Variants in ANKRD28 observed in about 807,000 individuals in gnomAD.
The protein encoded by ANKRD28 is ankyrin repeat domain 28.
A neutral mutation model predicts 126.5 loss-of-function variants in ANKRD28; 44 were observed. The ratio of observed to expected loss-of-function variants is 0.35; its 90% CI spans 0.27 to 0.45. The LOEUF (loss-of-function observed/expected upper bound fraction) is 0.45. Among genes scored for constraint, ANKRD28 ranks in the 20% least tolerant of loss-of-function variants. The pLI, the probability that ANKRD28 is intolerant of heterozygous loss-of-function variation, is 1.00. For missense variants in ANKRD28, 1,110 were observed against 1,316.6 expected (o/e 0.84, Z 2.43); for synonymous variants, 442 against 468.5 (o/e 0.94, Z 0.73).
chr3:15,696,857 A>G (rs558747668), intron 14 of ANKRD28, among the ~76,000 whole-genome samples: 1 of 152,288 alleles, frequency 6.6e-6, no homozygotes, highest in East Asian at 1.9e-4. Flanking sequence ...TATATGTAAA[A>G]CCACTATGGA....
At chr3:15,859,284 C>T (rs1575840091) in intron 1 of ANKRD28, 7 of 1,487,652 alleles carry the variant, frequency 4.7e-6, no homozygotes, top group African/African-American at 1.5e-5. Flanking sequence ...AACCACCCCG[C>T]CGAGCGGGCG....
intron 2 of ANKRD28, among the ~76,000 whole-genome samples, chr3:15,788,926 G>A (rs1416605831): frequency 6.6e-6 from 1 of 151,996 alleles, no homozygotes; most frequent in African/African-American, 2.4e-5. Flanking sequence ...AGAAGAGTGA[G>A]GGCTGAAGTT....
chr3:15,812,459 G>A lies in ANKRD28; in HGVS notation c.28-17153C>T, dbSNP rs1028062551. 4.6e-5 allele frequency among the ~76,000 whole-genome samples: 7 copies of A among 152,180 alleles called. No homozygotes were observed. Among genetic ancestry groups the A allele is most frequent in the African/African-American group, 1.7e-4 (7 of 41,452 alleles). On this transcript the variant is annotated intron_variant, in intron 1 of 27. Transcript: ENST00000399451. The surrounding 1 kb of genome is among the most constrained non-coding windows in gnomAD (Gnocchi z 4.1). Reference sequence around the variant, plus strand: ...AAAAGCAAAATTAGCTAAATGATTTGTGACTCTGCCTTTTCTCCAACACAC... The same window carrying A: ...AAAAGCAAAATTAGCTAAATGATTTATGACTCTGCCTTTTCTCCAACACAC...
intron 27 of ANKRD28, among the ~76,000 whole-genome samples, chr3:15,671,344 T>C (rs2066325999): frequency 1.3e-5 from 2 of 152,142 alleles, no homozygotes; most frequent in Non-Finnish European, 2.9e-5. Flanking sequence ...GAAGTGATAA[T>C]AGTGTGATGC....
At chr3:15,849,970 G>T (rs189891416) in intron 1 of ANKRD28, among the ~76,000 whole-genome samples, 1 of 151,554 alleles carries the variant, frequency 6.6e-6, no homozygotes. Flanking sequence ...GGTTGGAAGC[G>T]ATCTCTGACT....
In ANKRD28 at chr3:15,796,705, A is replaced by G. The variant is rs768300708; in HGVS notation, c.-184T>C. 3.0e-6 allele frequency: 3 copies of G among 984,232 alleles called. No individual in the cohort carries two copies. The highest frequency in any genetic ancestry group is 3.6e-6 in the Non-Finnish European group (3 of 824,714). The allele number at this position is 984,232 out of a possible 1,614,324, so 61.0% of individuals were successfully genotyped here. On this transcript the variant is annotated 5_prime_UTR_variant, in exon 1 of 28. The change abolishes an upstream ATG in the 5' untranslated region. Coordinates refer to ENST00000683139, the MANE Select transcript of ANKRD28 (RefSeq NM_001349278.2). Reference sequence around the variant, plus strand: ...AAAACAAGTTTAAAATTATGACTACATAATTTGTAACTTCCTAAATATAAC... The same window carrying G: ...AAAACAAGTTTAAAATTATGACTACGTAATTTGTAACTTCCTAAATATAAC...
rs913166067 is a variant in ANKRD28 at position 15,667,623 on chromosome 3, C to T, written c.*2647G>A. 26 of 152,196 alleles carry T rather than the reference C, an allele frequency of 1.7e-4. No homozygotes were observed. Among genetic ancestry groups the T allele is most frequent in the African/African-American group, 6.3e-4 (26 of 41,436 alleles). 9.4% of individuals were successfully genotyped at this position (152,196 alleles called of 1,614,324 possible). ...CAAGTAATTAATGTACTTATTCCAA[C>T]AATACTGGCGTAGTTCAAATACCAT... On this transcript the variant is annotated 3_prime_UTR_variant, in exon 28 of 28. Coordinates refer to ENST00000683139, the MANE Select transcript of ANKRD28 (RefSeq NM_001349278.2).
chr3:15,808,383 G>T (rs1222348634), intron 1 of ANKRD28, among the ~76,000 whole-genome samples: 1 of 152,104 alleles, frequency 6.6e-6, no homozygotes, highest in Non-Finnish European at 1.5e-5. Flanking sequence ...TTGGAGAAAG[G>T]CCTTATCCCC....
intron 4 of ANKRD28, among the ~76,000 whole-genome samples, chr3:15,740,547 T>C (rs1292729975): frequency 6.6e-6 from 1 of 152,104 alleles, no homozygotes; most frequent in Non-Finnish European, 1.5e-5. Context: ...GTAGGTATGT[T>C]AGTGGATATA....
chr3:15,767,700 TAAAAAAAAAAAAAAAAAAAAAAAAA>T (rs57072807), intron 2 of ANKRD28, among the ~76,000 whole-genome samples: 106 of 64,364 alleles, frequency 1.6e-3, no homozygotes, highest in Admixed American at 3.4e-3. Flanking sequence ...TAGTCTCTAC[TAAAAAAAAAAAAAAAAAAAAAAAAA>T]AAAAAAAAAA....
At chr3:15,742,207 G>C (rs1374834237) in intron 4 of ANKRD28, among the ~76,000 whole-genome samples, 1 of 151,078 alleles carries the variant, frequency 6.6e-6, no homozygotes, top group Non-Finnish European at 1.5e-5. Flanking sequence ...CATCGTCTGG[G>C]ACGTGAGGAG....
intron 19 of ANKRD28, 23 bp from the exon 20 acceptor site, chr3:15,686,142 TC>T: frequency 6.2e-7 from 1 of 1,606,310 alleles, no homozygotes; most frequent in Non-Finnish European, 8.5e-7. Flanking sequence ...AGGAATAGGT[TC>T]AGTGCTGTCA....
rs189717970 is a variant in ANKRD28 at position 15,856,085 on chromosome 3, T to C, written c.27+3292A>G. 5.7e-3 allele frequency among the ~76,000 whole-genome samples: 875 copies of C among 152,324 alleles called. 6 individuals are homozygous for C. The highest frequency in any genetic ancestry group is 8.2e-3 in the Non-Finnish European group (555 of 68,024). On this transcript the variant is annotated intron_variant, in intron 1 of 27. Transcript: ENST00000399451. ...AACTGGTTCCTTACTAGTCCCTTTT[T>C]AAAACCAAAGCATTAATTGTTGTCA...
At chr3:15,743,359 C>A (rs1274229615) in intron 4 of ANKRD28, among the ~76,000 whole-genome samples, 3 of 149,258 alleles carry the variant, frequency 2.0e-5, no homozygotes, top group Non-Finnish European at 4.4e-5. Context: ...CAATAAAAAA[C>A]AAACAAACAA....
chr3:15,794,061 C>T (rs1350285519), intron 2 of ANKRD28, among the ~76,000 whole-genome samples: 1 of 151,782 alleles, frequency 6.6e-6, no homozygotes, highest in Non-Finnish European at 1.5e-5. Flanking sequence ...CAGAGCCAGA[C>T]TCTGTCTCTA....
chr3:15,780,936 A>G (rs1301656510), intron 2 of ANKRD28, among the ~76,000 whole-genome samples: 2 of 152,150 alleles, frequency 1.3e-5, no homozygotes, highest in Non-Finnish European at 2.9e-5. Flanking sequence ...TACATTAAAG[A>G]CTTAAATATA....
chr3:15,698,467 A>C (rs903643948), intron 14 of ANKRD28, among the ~76,000 whole-genome samples: 5 of 152,238 alleles, frequency 3.3e-5, no homozygotes, highest in African/African-American at 1.2e-4. Flanking sequence ...TTTGCAGATG[A>C]CATGAATGTA....
At chr3:15,857,653 T>C (rs1471433454) in intron 1 of ANKRD28, among the ~76,000 whole-genome samples, 1 of 152,228 alleles carries the variant, frequency 6.6e-6, no homozygotes, top group Non-Finnish European at 1.5e-5. Context: ...TGGAGTGGCA[T>C]CACAATTTTC....
chr3:15,795,270 C>G lies in ANKRD28; in HGVS notation c.154G>C (p.Asp52His). ...LVQAIFNGDPDEVRALIFKKE... is the reference protein window; with the variant it reads ...LVQAIFNGDPHEVRALIFKKE... Reference sequence around the variant, plus strand: ...TTAAATATTAGTGCTCGAACTTCATCAGGATCTCCGTTAAATATAGCTTGC... The same window carrying G: ...TTAAATATTAGTGCTCGAACTTCATGAGGATCTCCGTTAAATATAGCTTGC... Residue 52 changes from aspartate (D) to histidine (H), a missense_variant, in exon 2 of 28, where the codon GAT becomes CAT. By Grantham distance (81) the Asp-to-His change is moderately conservative. Coordinates refer to ENST00000683139, the MANE Select transcript of ANKRD28 (RefSeq NM_001349278.2). The G allele has an allele frequency of 6.2e-7, 1 of 1,612,884 alleles. No individual in the cohort carries two copies. Among genetic ancestry groups the G allele is most frequent in the Non-Finnish European group, 8.5e-7 (1 of 1,179,076 alleles).
Sources: gnomAD v4.1 joint callset for allele counts (sites outside exome capture counted in the v4.1 genomes callset) on GRCh38, gnomAD v4.1.1 for gene constraint, Gnocchi (gnomAD v3.1) non-coding constraint, MANE v1.5 for transcripts, NCBI Gene and HGNC (gene_info 2026-07-23, HGNC 2026-07-21) for gene names.